Variants in CDH12 observed in about 807,000 individuals in gnomAD.
CDH12 encodes cadherin 12.
CDH12 carries 41 observed loss-of-function variants against 74.1 expected under a neutral mutation model. That is an observed-to-expected ratio of 0.55 (90% CI 0.43 to 0.72). The LOEUF is 0.72. Ranked by LOEUF, CDH12 falls within the 30% of genes least tolerant of loss-of-function variation. CDH12 has a pLI of 0.00. For missense variants in CDH12, 945 were observed against 977.2 expected (o/e 0.97, Z 0.44); for synonymous variants, 399 against 355.0 (o/e 1.12, Z -1.39).
intron 1 of CDH12, among the ~76,000 whole-genome samples, chr5:22,625,432 C>T (rs1233735426): frequency 6.6e-6 from 1 of 152,152 alleles, no homozygotes; most frequent in African/African-American, 2.4e-5. Context: ...CCCACGATCC[C>T]ATGGACACTT....
intron 2 of CDH12, among the ~76,000 whole-genome samples, chr5:22,496,078 G>C (rs1455816654): frequency 2.0e-5 from 3 of 152,104 alleles, no homozygotes; most frequent in African/African-American, 4.8e-5. Flanking sequence ...TCATGTTGTA[G>C]GTGAAAGAAA....
At chr5:22,542,997 G>A (rs1202710777) in intron 1 of CDH12, among the ~76,000 whole-genome samples, 2 of 152,118 alleles carry the variant, frequency 1.3e-5, no homozygotes, top group Non-Finnish European at 2.9e-5. Context: ...GTCAGAGAAA[G>A]CTCTGATTAT....
chr5:22,164,127 G>C (rs576900520), intron 4 of CDH12, among the ~76,000 whole-genome samples: 1 of 152,264 alleles, frequency 6.6e-6, no homozygotes, highest in East Asian at 1.9e-4. Flanking sequence ...CTTGCTCCCA[G>C]AGCTCCCAAG....
At chr5:22,078,109 C>T (rs1462673812) in intron 5 of CDH12, among the ~76,000 whole-genome samples, 1 of 152,044 alleles carries the variant, frequency 6.6e-6, no homozygotes, top group Non-Finnish European at 1.5e-5. Context: ...AATGATATAA[C>T]TATACTGATA....
chr5:22,644,913 C>T (rs1323487417), intron 1 of CDH12, among the ~76,000 whole-genome samples: 5 of 151,932 alleles, frequency 3.3e-5, no homozygotes, highest in South Asian at 2.1e-4. Context: ...ACAACAAAGC[C>T]GAGATGACAG....
intron 4 of CDH12, among the ~76,000 whole-genome samples, chr5:22,093,176 A>G: frequency 6.6e-6 from 1 of 152,184 alleles, no homozygotes; most frequent in East Asian, 1.9e-4. Context: ...ATAACCACAA[A>G]GCTCTAGCTT....
At chr5:22,202,263 G>A (rs1329373227) in intron 4 of CDH12, among the ~76,000 whole-genome samples, 2 of 150,442 alleles carry the variant, frequency 1.3e-5, no homozygotes. Flanking sequence ...GCCTGCAGCA[G>A]TAAACAAAGC....
chr5:22,733,249 TTCA>T (rs1426586920), intron 1 of CDH12, among the ~76,000 whole-genome samples: 3 of 151,908 alleles, frequency 2.0e-5, no homozygotes, highest in African/African-American at 7.2e-5. Context: ...CTTAATTAGC[TTCA>T]TCACAATGTT....
intron 14 of CDH12, among the ~76,000 whole-genome samples, chr5:21,753,207 C>T (rs1317044018): frequency 6.6e-6 from 1 of 152,132 alleles, no homozygotes; most frequent in Non-Finnish European, 1.5e-5. Context: ...AGACACCTGT[C>T]ATAGAATTAT....
At chr5:21,910,996 A>C (rs1222976680) in intron 6 of CDH12, among the ~76,000 whole-genome samples, 1 of 152,348 alleles carries the variant, frequency 6.6e-6, no homozygotes, top group South Asian at 2.1e-4. Context: ...AGCCTTGTTA[A>C]GTGAAACTGC....
At chr5:22,821,902 A>G (rs1222474921) in intron 1 of CDH12, among the ~76,000 whole-genome samples, 6 of 151,614 alleles carry the variant, frequency 4.0e-5, no homozygotes, top group African/African-American at 1.2e-4. Context: ...ATATGGAACC[A>G]AAAAAGAGCC....
chr5:22,669,938 T>C (rs1381564027), intron 1 of CDH12, among the ~76,000 whole-genome samples: 1 of 152,226 alleles, frequency 6.6e-6, no homozygotes, highest in Non-Finnish European at 1.5e-5. Flanking sequence ...AATCTGGTTA[T>C]ATCACTTCCA....
At chr5:21,935,683 C>A (rs571556219) in intron 6 of CDH12, among the ~76,000 whole-genome samples, 16 of 152,288 alleles carry the variant, frequency 1.1e-4, no homozygotes, top group Admixed American at 8.5e-4. Context: ...AATGCTAGGT[C>A]TTATTCATTC....
chr5:22,850,472 T>G (rs988569700), intron 1 of CDH12, among the ~76,000 whole-genome samples: 1 of 152,076 alleles, frequency 6.6e-6, no homozygotes, highest in Non-Finnish European at 1.5e-5. Context: ...AAATGTATTT[T>G]TGGGTACTAT....
intron 1 of CDH12, among the ~76,000 whole-genome samples, chr5:22,693,365 T>A (rs1211348481): frequency 2.0e-5 from 3 of 152,148 alleles, no homozygotes; most frequent in South Asian, 4.1e-4. Flanking sequence ...TGTGAGAGTG[T>A]GTGGGGACTG....
intron 1 of CDH12, among the ~76,000 whole-genome samples, chr5:22,581,678 T>C (rs1469147197): frequency 6.6e-6 from 1 of 152,088 alleles, no homozygotes; most frequent in East Asian, 1.9e-4. Context: ...GAATAAAAGA[T>C]CCACTGACAG....
At chr5:22,197,510 T>C (rs942525541) in intron 4 of CDH12, among the ~76,000 whole-genome samples, 2 of 152,002 alleles carry the variant, frequency 1.3e-5, no homozygotes, top group African/African-American at 2.4e-5. Context: ...CAAGGTAGAT[T>C]TTGCCAGAGA....
At chr5:22,603,660 T>C (rs1046294204) in intron 1 of CDH12, among the ~76,000 whole-genome samples, 2 of 152,176 alleles carry the variant, frequency 1.3e-5, no homozygotes, top group African/African-American at 4.8e-5. Context: ...AAATCTACTC[T>C]TTAAATATTC....
chr5:22,078,368 T>C (rs1661607147), intron 5 of CDH12, 78 bp downstream of exon 5: 4 of 1,294,500 alleles, frequency 3.1e-6, no homozygotes, highest in African/African-American at 1.5e-5. Flanking sequence ...TCAACTCCTG[T>C]GCAAAACATC....
Sources: allele counts gnomAD v4.1 joint callset (sites outside exome capture counted in the v4.1 genomes callset), GRCh38; gene constraint gnomAD v4.1.1; transcripts MANE v1.5; gene names NCBI Gene and HGNC (gene_info 2026-07-23, HGNC 2026-07-21).